Variants in TMEM181 observed in about 807,000 individuals in gnomAD.
TMEM181 encodes the protein G protein-coupled receptor 178.
In TMEM181, 39 loss-of-function variants were observed where a neutral mutation model predicts 71.9. The ratio of observed to expected loss-of-function variants is 0.54; its 90% CI spans 0.42 to 0.71. TMEM181 has a LOEUF of 0.71. TMEM181 is among the 30% of genes least tolerant of loss of function. The pLI is 0.00. For synonymous variants in TMEM181, 245 were observed against 228.8 expected (o/e 1.07, Z -0.64); for missense variants, 595 against 583.0 (o/e 1.02, Z -0.21).
chr6:158,565,179 G>A (rs1582949276), intron 1 of TMEM181, among the ~76,000 whole-genome samples: 2 of 152,318 alleles, frequency 1.3e-5, no homozygotes, highest in South Asian at 4.1e-4. Flanking sequence ...CTGCTTACCC[G>A]GATTGTATCT....
At position 158,616,360 on chromosome 6, in the gene TMEM181, C is replaced by A. The variant is rs552346395; in HGVS notation, c.897-7190C>A. Reference sequence around the variant, plus strand: ...GTATCCTGAGACTTTCCTAAAGTTGCTTATCAGCTTAAGGAGATTTTGGGC... The same window carrying A: ...GTATCCTGAGACTTTCCTAAAGTTGATTATCAGCTTAAGGAGATTTTGGGC... On this transcript the variant is annotated intron_variant, in intron 10 of 16. Transcript: ENST00000684151. Among the ~76,000 whole-genome samples the A allele has an allele frequency of 2.6e-5, 4 of 152,290 alleles. No individual in the cohort carries two copies. In the South Asian group the frequency reaches 8.3e-4, roughly 32 times the overall value.
At chr6:158,549,380 C>G (rs988380209) in intron 1 of TMEM181, among the ~76,000 whole-genome samples, 1 of 152,190 alleles carries the variant, frequency 6.6e-6, no homozygotes, top group Non-Finnish European at 1.5e-5. Context: ...TCCCAAAGTA[C>G]TGGGATCACA....
chr6:158,622,326 C>G (rs998110496), intron 10 of TMEM181, among the ~76,000 whole-genome samples: 1 of 152,154 alleles, frequency 6.6e-6, no homozygotes, highest in Non-Finnish European at 1.5e-5. Context: ...ATGCCCCAGT[C>G]CCTGTGTGTG....
intron 14 of TMEM181, among the ~76,000 whole-genome samples, chr6:158,628,697 G>T (rs1007331064): frequency 1.3e-5 from 2 of 152,350 alleles, no homozygotes; most frequent in South Asian, 2.1e-4. Flanking sequence ...TACACAGGAA[G>T]CTTGGCTCAG....
rs746306666 is a variant in TMEM181 at position 158,583,956 on chromosome 6, A to G, written c.171A>G (p.Leu57=). The change falls in exon 4 of 17, where the codon CTA becomes CTG. Residue 57 remains leucine, a splice_region_variant and synonymous_variant. Transcript: ENST00000684151. ...ANFSLNNSKK[L]KPIQILSNPL... is the part of the protein sequence containing the mutation. ...TTACTTTGTTTTTTTTTCTTCAGCT[A>G]AAGCCAATTCAAATACTTTCAAATC... is the stretch of plus-strand genomic sequence containing the variant. 21 of 1,601,276 alleles carry G rather than the reference A, an allele frequency of 1.3e-5. No individual in the cohort carries two copies. The South Asian group carries it at 1.4e-4, about 10-fold the overall frequency.
chr6:158,601,771 A>C (rs4709229), intron 6 of TMEM181, among the ~76,000 whole-genome samples: 42,960 of 151,088 alleles, frequency 0.28, 6,579 homozygotes, highest in East Asian at 0.6. Context: ...AAAAAAAAAA[A>C]AAAACAAGGC....
chr6:158,550,306 A>G (rs904045429), intron 1 of TMEM181, among the ~76,000 whole-genome samples: 7 of 151,320 alleles, frequency 4.6e-5, no homozygotes, highest in African/African-American at 1.7e-4. Context: ...TGGCCTCCCA[A>G]AGTGCTGAGA....
chr6:158,570,122 G>A (rs902487528), intron 1 of TMEM181, among the ~76,000 whole-genome samples: 3 of 152,032 alleles, frequency 2.0e-5, no homozygotes, highest in African/African-American at 7.3e-5. Flanking sequence ...CCCGGGGGAC[G>A]GGACCTCCGA....
At chr6:158,592,623 T>C (rs1197441328) in intron 6 of TMEM181, among the ~76,000 whole-genome samples, 2 of 152,094 alleles carry the variant, frequency 1.3e-5, no homozygotes, top group African/African-American at 4.8e-5. Flanking sequence ...CAGCTACTAA[T>C]AGCTGTAGTA....
intron 14 of TMEM181, among the ~76,000 whole-genome samples, 177 bp downstream of exon 14, chr6:158,628,667 G>A (rs1786480984): frequency 6.6e-6 from 1 of 152,212 alleles, no homozygotes; most frequent in South Asian, 2.1e-4. Flanking sequence ...CGTGGGAAGG[G>A]GCAGCCTGTC....
intron 10 of TMEM181, among the ~76,000 whole-genome samples, chr6:158,622,029 G>GC (rs1257222433): frequency 6.6e-6 from 1 of 152,124 alleles, no homozygotes; most frequent in Non-Finnish European, 1.5e-5. Flanking sequence ...CCTCCGGACA[G>GC]CCCACCTGGC....
chr6:158,624,674 T>C (rs1358016970), intron 11 of TMEM181, among the ~76,000 whole-genome samples: 1 of 152,126 alleles, frequency 6.6e-6, no homozygotes, highest in Non-Finnish European at 1.5e-5. Flanking sequence ...TCGGGAATGG[T>C]TGATGGTTAA....
chr6:158,625,004 C>A (rs2128328483), intron 11 of TMEM181, 100 bp from the exon 12 acceptor site: 1 of 903,148 alleles, frequency 1.1e-6, no homozygotes, highest in Non-Finnish European at 1.9e-6. Flanking sequence ...GGGTTGAAGT[C>A]CCTTCTAAAA....
At chr6:158,583,856 C>T in intron 3 of TMEM181, 98 bp from the exon 4 acceptor site, 2 of 818,560 alleles carry the variant, frequency 2.4e-6, no homozygotes, top group Non-Finnish European at 3.7e-6. Context: ...ACACTGAAGC[C>T]TTTATTGCTA....
chr6:158,562,170 C>T (rs1782217580), intron 1 of TMEM181, among the ~76,000 whole-genome samples: 1 of 152,198 alleles, frequency 6.6e-6, no homozygotes. Flanking sequence ...CCAGCCTGCT[C>T]TTTAAAAATG....
intron 1 of TMEM181, among the ~76,000 whole-genome samples, chr6:158,542,868 GTTTTTT>G (rs61401561): frequency 2.2e-4 from 16 of 73,500 alleles, no homozygotes; most frequent in Non-Finnish European, 3.6e-4. Context: ...CTCCAGAGTG[GTTTTTT>G]TTTTTTTTTT....
intron 14 of TMEM181, 108 bp from the exon 15 acceptor site, chr6:158,629,622 T>C: frequency 1.1e-6 from 1 of 873,648 alleles, no homozygotes. Context: ...CACTGGCGGG[T>C]GCTTGGCACT....
intron 2 of TMEM181, 35 bp downstream of exon 2, chr6:158,573,558 C>T (rs1471905510): frequency 3.2e-6 from 5 of 1,539,892 alleles, no homozygotes; most frequent in East Asian, 4.8e-5. Flanking sequence ...AATCTTTTGC[C>T]ATGCGCGGTG....
exon 1 of TMEM181, chr6:158,536,703 C>T (rs1010697701): frequency 6.5e-7 from 1 of 1,541,514 alleles, no homozygotes; most frequent in South Asian, 1.2e-5. Context: ...AAGGGTGGAG[C>T]GGCGGGACCG....
Sources: allele counts gnomAD v4.1 joint callset (sites outside exome capture counted in the v4.1 genomes callset), GRCh38; gene constraint gnomAD v4.1.1; transcripts MANE v1.5; gene names NCBI Gene and HGNC (gene_info 2026-07-23, HGNC 2026-07-21).